Variants in TMEM131 observed in about 807,000 individuals in gnomAD.
TMEM131 encodes the protein 2610524E03Rik.
A neutral mutation model predicts 211.6 loss-of-function variants in TMEM131; 66 were observed. That is an observed-to-expected ratio of 0.31 (90% CI 0.26 to 0.38). The LOEUF (loss-of-function observed/expected upper bound fraction) is 0.38, where lower values mean the gene tolerates loss of function less well. Among genes scored for constraint, TMEM131 ranks in the 10% least tolerant of loss-of-function variants. The pLI is 1.00. For missense variants in TMEM131, 2,036 were observed against 2,299.3 expected (o/e 0.89, Z 2.34); for synonymous variants, 844 against 841.3 (o/e 1.00, Z -0.06).
intron 12 of TMEM131, among the ~76,000 whole-genome samples, chr2:97,816,362 T>A (rs757872447): frequency 1.3e-5 from 2 of 151,940 alleles, no homozygotes; most frequent in Non-Finnish European, 2.9e-5. Context: ...AATTAAAAAA[T>A]AAATAAATAA....
At chr2:97,807,886 A>G (rs955605218) in intron 19 of TMEM131, among the ~76,000 whole-genome samples, 2 of 152,246 alleles carry the variant, frequency 1.3e-5, no homozygotes, top group Non-Finnish European at 2.9e-5. Context: ...TGAGGATTTA[A>G]TTAAGACCCA....
At chr2:97,868,997 T>C (rs1259458205) in intron 4 of TMEM131, among the ~76,000 whole-genome samples, 1 of 152,064 alleles carries the variant, frequency 6.6e-6, no homozygotes, top group East Asian at 1.9e-4. Flanking sequence ...AAGATAAAAG[T>C]CTTCTTCCTC....
chr2:97,915,862 G>A (rs1676487282), intron 2 of TMEM131, among the ~76,000 whole-genome samples: 1 of 152,078 alleles, frequency 6.6e-6, no homozygotes. Flanking sequence ...TTCAGACTTT[G>A]CATACCATTT....
chr2:97,975,811 G>GAA (rs11355341), intron 1 of TMEM131, among the ~76,000 whole-genome samples: 52 of 132,272 alleles, frequency 3.9e-4, no homozygotes, highest in South Asian at 5.6e-4. Context: ...GGTATTACAA[G>GAA]AAAAAAAAAA....
In TMEM131 at chr2:97,797,402, C is replaced by T. The variant is rs372331490; in HGVS notation, c.2833G>A (p.Val945Ile). The stretch of plus-strand genomic sequence containing the variant: ...AGTGAAGAAACAGTTCTGTTGTGAA[C>T]TGGAGTAAACTTTACTTTGACAGAT... Reference protein sequence around the residue: ...KKSVKVKFTPVHNRTVSSLII... With the variant: ...KKSVKVKFTPIHNRTVSSLII... Residue 945 changes from valine (V) to isoleucine (I), a missense_variant, in exon 26 of 41, where the codon GTT becomes ATT. By Grantham distance (29) the Val-to-Ile change is conservative. Around this residue, in one of 3 missense-constraint regions of TMEM131, gnomAD observed 1,623 missense variants for 1,805.9 expected, o/e 0.90. Coordinates refer to ENST00000186436, the MANE Select transcript of TMEM131 (RefSeq NM_015348.2). 1.9e-6 allele frequency: 3 copies of T among 1,611,650 alleles called. No individual in the cohort carries two copies. The highest frequency in any genetic ancestry group is 1.7e-6 in the Non-Finnish European group (2 of 1,179,474).
At chr2:97,805,263 A>C in intron 21 of TMEM131, 58 bp from the exon 22 acceptor site, 1 of 1,570,110 alleles carries the variant, frequency 6.4e-7, no homozygotes, top group Non-Finnish European at 8.7e-7. Context: ...TTTTCCTTCA[A>C]ATAATTTCTA....
intron 1 of TMEM131, among the ~76,000 whole-genome samples, chr2:97,956,565 A>G (rs192948941): frequency 6.6e-6 from 1 of 152,158 alleles, no homozygotes; most frequent in Non-Finnish European, 1.5e-5. Flanking sequence ...AAAGACTTAA[A>G]GTTTGGAAAA....
At chr2:97,923,628 TAAAAAAAAAA>T (rs71386040) in intron 2 of TMEM131, among the ~76,000 whole-genome samples, 3 of 30,208 alleles carry the variant, frequency 9.9e-5, no homozygotes, top group South Asian at 1.2e-3. Flanking sequence ...TCTTTTTTTT[TAAAAAAAAAA>T]AAAAAAAAAA....
At chr2:97,765,717 A>C (rs1679129635) in intron 35 of TMEM131, among the ~76,000 whole-genome samples, 1 of 152,246 alleles carries the variant, frequency 6.6e-6, no homozygotes, top group Non-Finnish European at 1.5e-5. Flanking sequence ...GAATTCTTAC[A>C]AAAACAATTA....
chr2:97,816,541 C>T lies in TMEM131; in HGVS notation c.1184-1234G>A, dbSNP rs145971435. ...GTGAGTTCCGCAAATGTGTGTCATC[C>T]AACCTCATGACAAAAAAGAACAAGG... On this transcript the variant is annotated intron_variant, in intron 12 of 40. Coordinates refer to ENST00000186436, the MANE Select transcript of TMEM131 (RefSeq NM_015348.2). Among the ~76,000 whole-genome samples the T allele has an allele frequency of 5.9e-5, 9 of 152,176 alleles. No individual in the cohort carries two copies. The East Asian group carries it at 1.5e-3, about 26-fold the overall frequency.
chr2:97,779,556 G>A (rs1679897535), intron 31 of TMEM131, among the ~76,000 whole-genome samples: 1 of 152,224 alleles, frequency 6.6e-6, no homozygotes, highest in Non-Finnish European at 1.5e-5. Flanking sequence ...TAGGTCAGTA[G>A]TTCTCAAAGT....
At chr2:97,925,138 T>C (rs1264634786) in intron 2 of TMEM131, among the ~76,000 whole-genome samples, 4 of 152,140 alleles carry the variant, frequency 2.6e-5, no homozygotes, top group African/African-American at 7.2e-5. Context: ...TCCCAAGGTG[T>C]TGGGATTACA....
At chr2:97,779,266 T>C (rs1679879119) in intron 31 of TMEM131, among the ~76,000 whole-genome samples, 1 of 152,196 alleles carries the variant, frequency 6.6e-6, no homozygotes, top group African/African-American at 2.4e-5. Flanking sequence ...GTTCAAATGT[T>C]AGTGGGAGGG....
At chr2:97,772,203 A>ACCAG in intron 33 of TMEM131, 94 bp downstream of exon 33, 1 of 1,515,802 alleles carries the variant, frequency 6.6e-7, no homozygotes, top group African/African-American at 1.4e-5. Context: ...CTAAAAGCCA[A>ACCAG]CCAGCCAGCC....
At chr2:97,769,086 C>G (rs1346168065) in intron 33 of TMEM131, among the ~76,000 whole-genome samples, 1 of 149,368 alleles carries the variant, frequency 6.7e-6, no homozygotes, top group Non-Finnish European at 1.5e-5. Context: ...TATGCAGTCT[C>G]TAACTCCTGC....
At chr2:97,763,035 C>G (rs1678935883) in intron 35 of TMEM131, 2 of 152,204 alleles carry the variant, frequency 1.3e-5, no homozygotes. Context: ...ATTCCCATCA[C>G]CACAGGGCAC....
chr2:97,995,600 G>A lies in TMEM131; in HGVS notation c.63C>T (p.Ala21=), dbSNP rs949839540. 168 of 1,257,622 alleles carry A rather than the reference G, an allele frequency of 1.3e-4. 2 individuals are homozygous for A. In the East Asian group the frequency reaches 3.3e-3, roughly 25 times the overall value. 77.9% of individuals were successfully genotyped at this position (1,257,622 alleles called of 1,614,324 possible). The change falls in exon 1 of 41, where the codon GCC becomes GCT. Residue 21 remains alanine, a synonymous_variant. Transcript: ENST00000186436. ...GATTAAVSTS[A]GAGLEPAAAR... ...CGGCCGCAGGTTCCAGCCCGGCCCC[G>A]GCGGACGTGGAGACGGCGGCGGTGG...
chr2:97,950,141 T>C (rs533950250), intron 1 of TMEM131, among the ~76,000 whole-genome samples: 41 of 152,286 alleles, frequency 2.7e-4, no homozygotes, highest in Non-Finnish European at 5.0e-4. Context: ...TAAAAATACA[T>C]CTATACATAT....
At chr2:97,983,238 G>A (rs1358818198) in intron 1 of TMEM131, among the ~76,000 whole-genome samples, 1 of 152,052 alleles carries the variant, frequency 6.6e-6, no homozygotes, top group Non-Finnish European at 1.5e-5. Context: ...GACGGTCTCA[G>A]ACAGTAACAG....
Sources: gnomAD v4.1 joint callset for allele counts (sites outside exome capture counted in the v4.1 genomes callset) on GRCh38, gnomAD v4.1.1 for gene constraint, gnomAD v4.1.1 regional missense constraint, MANE v1.5 for transcripts, NCBI Gene and HGNC (gene_info 2026-07-23, HGNC 2026-07-21) for gene names.